MCF2L: variants seen among roughly 807,000 people sequenced by gnomAD.
MCF2L encodes the protein guanine nucleotide exchange factor DBS.
MCF2L carries 97 observed loss-of-function variants against 153.4 expected under a neutral mutation model. That is an observed-to-expected ratio of 0.63 (90% CI 0.54 to 0.75). The LOEUF (loss-of-function observed/expected upper bound fraction) is 0.75. Ranked by LOEUF, MCF2L falls within the 30% of genes least tolerant of loss-of-function variation. MCF2L has a pLI of 0.00. For synonymous variants in MCF2L, 659 were observed against 632.2 expected (o/e 1.04, Z -0.64); for missense variants, 1,347 against 1,495.2 (o/e 0.90, Z 1.64).
At position 113,023,226 on chromosome 13, in the gene MCF2L, C is replaced by T. The variant is rs114117878; in HGVS notation, c.164-1418C>T. On this transcript the variant is annotated intron_variant, in intron 2 of 29. Transcript: ENST00000535094. ...GCCCTCAAAGGAGGTTAGGAAGGAGCGAGGGAGAAAAGATATGCTTGTGTG... is the reference window on the plus strand; with the variant it reads ...GCCCTCAAAGGAGGTTAGGAAGGAGTGAGGGAGAAAAGATATGCTTGTGTG... Among the ~76,000 whole-genome samples the T allele has an allele frequency of 3.6e-3, 555 of 152,256 alleles. 4 individuals are homozygous for T. Among genetic ancestry groups the T allele is most frequent in the African/African-American group, 0.013 (526 of 41,550 alleles).
At chr13:112,931,378 C>T (rs1243802921) in intron 2 of MCF2L, among the ~76,000 whole-genome samples, 1 of 152,234 alleles carries the variant, frequency 6.6e-6, no homozygotes, top group Non-Finnish European at 1.5e-5. Context: ...TGACGCTGCT[C>T]TGCCGGAAGC....
At chr13:113,022,111 C>T (rs1298695445) in intron 2 of MCF2L, among the ~76,000 whole-genome samples, 2 of 152,166 alleles carry the variant, frequency 1.3e-5, no homozygotes, top group African/African-American at 4.8e-5. Flanking sequence ...TGGGGGTCCC[C>T]GGTCTCTGTG....
rs1422326992 is a variant in MCF2L at position 112,927,126 on chromosome 13, G to GT, written c.169+24755_169+24756insT. On this transcript the variant is annotated intron_variant, in intron 2 of 29. Transcript: ENST00000375608. ...AATCAGAAGTTTAGCTGGAGAAGTG[G>GT]GGAGGGCTGAACTCTCCCGTGGCAT... is the stretch of plus-strand genomic sequence containing the variant. 2.0e-5 allele frequency among the ~76,000 whole-genome samples: 3 copies of GT among 152,320 alleles called. No homozygotes were observed. The East Asian group carries it at 5.8e-4, about 29-fold the overall frequency.
chr13:113,092,713 C>T (rs2035321606), intron 26 of MCF2L, among the ~76,000 whole-genome samples: 1 of 152,270 alleles, frequency 6.6e-6, no homozygotes, highest in Non-Finnish European at 1.5e-5. Flanking sequence ...GCAGTGCTGG[C>T]CTGGCCTGTG....
intron 2 of MCF2L, among the ~76,000 whole-genome samples, chr13:112,946,032 G>A (rs777356844): frequency 6.6e-6 from 1 of 152,062 alleles, no homozygotes; most frequent in Non-Finnish European, 1.5e-5. Flanking sequence ...CTCTTCTGGG[G>A]TATCATGTTT....
chr13:113,059,727 A>G (rs1055065447), intron 4 of MCF2L, among the ~76,000 whole-genome samples: 3 of 152,190 alleles, frequency 2.0e-5, no homozygotes, highest in Admixed American at 6.5e-5. Flanking sequence ...CACTTTCCCA[A>G]TGGAGAAGCT....
chr13:113,073,543 G>A (rs548085471), intron 9 of MCF2L, among the ~76,000 whole-genome samples: 5 of 152,290 alleles, frequency 3.3e-5, no homozygotes, highest in South Asian at 2.1e-4. Flanking sequence ...GGATGTCTGC[G>A]TACACACCCA....
intron 2 of MCF2L, among the ~76,000 whole-genome samples, chr13:112,934,190 T>C (rs1320517): frequency 0.76 from 115,494 of 152,168 alleles, 43,918 homozygotes; most frequent in East Asian, 0.83. Flanking sequence ...GCCCCCTGCT[T>C]GCCACAGGAA....
rs397794280 is a variant in MCF2L, at chr13:113,055,380, C to CCT, written c.370-5213_370-5212insCT. ...TGCTGGAGACGTGGACCCCCCCCCC[C>CCT]GCCACACACACACACACACACACAC... On this transcript the variant is annotated intron_variant, in intron 4 of 29. Transcript: ENST00000535094. 6.4e-5 allele frequency among the ~76,000 whole-genome samples: 3 copies of CCT among 46,782 alleles called. 1 individual carries two copies. Among genetic ancestry groups the CCT allele is most frequent in the Non-Finnish European group, 1.4e-4 (3 of 21,448 alleles). 30.7% of individuals were successfully genotyped at this position (46,782 alleles called of 152,430 possible).
At chr13:112,923,232 T>TCTC (rs1380429772) in intron 2 of MCF2L, among the ~76,000 whole-genome samples, 2 of 151,300 alleles carry the variant, frequency 1.3e-5, no homozygotes, top group East Asian at 3.9e-4. Context: ...TACCCTTTTA[T>TCTC]CTCCATGAAC....
chr13:112,989,368 AG>A (rs1566697393), intron 1 of MCF2L, among the ~76,000 whole-genome samples: 4 of 39,496 alleles, frequency 1.0e-4, no homozygotes, highest in African/African-American at 5.5e-4. Context: ...CTACCACGCC[AG>A]AGTCCTCCCT....
chr13:113,082,485 A>G lies in MCF2L; in HGVS notation c.1934A>G (p.His645Arg). ...GCTCACCTCCTGTCAACAGGCCTTC[A>G]CAACAAGAAGGATGTTTTGTTTGGA... The part of the protein sequence containing the change: ...LMAHLLSTGL[H>R]NKKDVLFGNM... Residue 645 changes from histidine (H) to arginine (R), a missense_variant, in exon 17 of 30, where the codon CAC (histidine) becomes CGC (arginine). His to Arg is a conservative substitution (Grantham distance 29, BLOSUM62 0). Around this residue, in one of 3 missense-constraint regions of MCF2L, gnomAD observed 820 missense variants for 921.2 expected, o/e 0.89. Coordinates refer to ENST00000535094, the MANE Select transcript of MCF2L (RefSeq NM_001112732.3). 1.2e-6 allele frequency: 2 copies of G among 1,614,042 alleles called. No homozygotes were observed. Among genetic ancestry groups the G allele is most frequent in the Non-Finnish European group, 1.7e-6 (2 of 1,179,938 alleles).
rs901491348 is a variant in MCF2L at position 113,031,424 on chromosome 13, G to A, written c.278+6666G>A. ...AGCGGCATCTTTGGGGGCAGCGAAC[G>A]CACCAGGGGGCAGGACAGAGTGCCG... is the stretch of plus-strand genomic sequence containing the variant. On this transcript the variant is annotated intron_variant, in intron 3 of 29. Coordinates refer to ENST00000535094, the MANE Select transcript of MCF2L (RefSeq NM_001112732.3). This position sits in a 1 kb window ranked among gnomAD's most constrained non-coding sequence, Gnocchi z 5.5. 2.6e-5 allele frequency among the ~76,000 whole-genome samples: 4 copies of A among 152,186 alleles called. No homozygotes were observed. Among genetic ancestry groups the A allele is most frequent in the African/African-American group, 9.7e-5 (4 of 41,448 alleles).
intron 27 of MCF2L, chr13:113,095,406 G>C: frequency 9.1e-7 from 1 of 1,098,176 alleles, no homozygotes; most frequent in Non-Finnish European, 1.1e-6. Flanking sequence ...GAACAGATGT[G>C]GGGGACACAG....
intron 3 of MCF2L, chr13:113,044,629 C>T: frequency 1.3e-6 from 2 of 1,599,384 alleles, no homozygotes; most frequent in South Asian, 1.1e-5. Flanking sequence ...GAAGAGGGCT[C>T]TCCGCACCGA....
chr13:112,946,955 G>A (rs1018203099), intron 2 of MCF2L, among the ~76,000 whole-genome samples: 1 of 152,206 alleles, frequency 6.6e-6, no homozygotes, highest in Non-Finnish European at 1.5e-5. Flanking sequence ...GGCAGGGTGA[G>A]TTCCCAGGGT....
In MCF2L at chr13:113,035,385, A is replaced by G. The variant is rs2086092105; in HGVS notation, c.279-9886A>G. ...TTTAATATTTACAAGCCACAGAATT[A>G]TTTCCTGCAGCCACAGAGACTTCCT... On this transcript the variant is annotated intron_variant, in intron 3 of 29. Transcript: ENST00000535094. The surrounding 1 kb of genome is among the most constrained non-coding windows in gnomAD (Gnocchi z 4.4). 6.6e-6 allele frequency among the ~76,000 whole-genome samples: 1 copy of G among 152,106 alleles called. No individual in the cohort carries two copies. Among genetic ancestry groups the G allele is most frequent in the South Asian group, 2.1e-4 (1 of 4,818 alleles).
rs2081816198 is a variant in MCF2L, at chr13:112,960,801, A to G, written c.170-53962A>G. Among the ~76,000 whole-genome samples, 1 of 151,800 alleles carries G rather than the reference A, an allele frequency of 6.6e-6. No individual in the cohort carries two copies. Among genetic ancestry groups the G allele is most frequent in the African/African-American group, 2.4e-5 (1 of 41,286 alleles). On this transcript the variant is annotated intron_variant, in intron 2 of 29. Coordinates refer to the MCF2L transcript ENST00000375608. The surrounding 1 kb of genome is among the most constrained non-coding windows in gnomAD (Gnocchi z 4.2). ...ATGGCCGCACCACCCAGACCCTTAC[A>G]TCCATCCTCACATCTCCTCCCTGCC...
At chr13:112,986,742 C>T (rs2082659023) in intron 1 of MCF2L, among the ~76,000 whole-genome samples, 1 of 152,244 alleles carries the variant, frequency 6.6e-6, no homozygotes, top group South Asian at 2.1e-4. Flanking sequence ...GGGTGCCAAC[C>T]CTGCCCACGG....
Sources: gnomAD v4.1 joint callset for allele counts (sites outside exome capture counted in the v4.1 genomes callset) on GRCh38, gnomAD v4.1.1 for gene constraint, gnomAD v4.1.1 regional missense constraint, Gnocchi (gnomAD v3.1) non-coding constraint, MANE v1.5 for transcripts, NCBI Gene and HGNC (gene_info 2026-07-23, HGNC 2026-07-21) for gene names.